Variants in FAM170B observed in about 807,000 individuals in gnomAD.
FAM170B encodes family with sequence similarity 170 member B, also known as protein FAM170B.
A neutral mutation model predicts 3.9 loss-of-function variants in FAM170B; 4 were observed. The ratio of observed to expected loss-of-function variants is 1.01; its 90% CI spans 0.50 to 2.32. FAM170B has a LOEUF of 2.32. FAM170B is among the 30% of genes most tolerant of loss of function. The pLI, the probability that FAM170B is intolerant of heterozygous loss-of-function variation, is 0.02. For synonymous variants in FAM170B, 163 were observed against 149.8 expected (o/e 1.09, Z -0.64); for missense variants, 417 against 368.6 (o/e 1.13, Z -1.07).
chr10:49,131,801 G>C lies in FAM170B; in HGVS notation c.664C>G (p.His222Asp). Residue 222 changes from histidine (H) to aspartate (D), a missense_variant, in exon 2 of 2, where the codon CAC (histidine) becomes GAC (aspartate). Physicochemically the swap from His to Asp is moderately conservative, Grantham distance 81. Transcript: ENST00000311787. Reference sequence around the variant, plus strand: ...CCCTCCCGGATGCCATGCTGGGCGTGCTCCAGCAGAGCGTCCAGGGAGGGC... The same window carrying C: ...CCCTCCCGGATGCCATGCTGGGCGTCCTCCAGCAGAGCGTCCAGGGAGGGC... ...VLPSLDALLE[H>D]AQHGIREGFS... The C allele has an allele frequency of 6.5e-7, 1 of 1,549,728 alleles. No individual in the cohort carries two copies.
Position 49,133,826 on chromosome 10 carries a change from A to C in FAM170B, c.93T>G (p.Ser31Arg). 1 of 1,550,356 alleles carries C rather than the reference A, an allele frequency of 6.5e-7. No homozygotes were observed. The highest frequency in any genetic ancestry group is 8.7e-7 in the Non-Finnish European group (1 of 1,146,666). Residue 31 changes from serine to arginine, a missense_variant, in exon 1 of 2, where the codon AGT becomes AGG. By Grantham distance (110) the Ser-to-Arg change is moderately radical. Transcript: ENST00000311787. ...SLTSPESTEE[S>R]VEVFWPGTIQ... Reference sequence around the variant, plus strand: ...ACCTACCTGGCCAGAACACTTCCACACTCTCCTCAGTGGACTCAGGGCTGG... The same window carrying C: ...ACCTACCTGGCCAGAACACTTCCACCCTCTCCTCAGTGGACTCAGGGCTGG...
At position 49,132,121 on chromosome 10, in the gene FAM170B, G is replaced by C; in HGVS notation, c.344C>G (p.Thr115Ser). Residue 115 changes from threonine (T) to serine (S), a missense_variant, in exon 2 of 2, where the codon ACT (threonine) becomes AGT (serine). Physicochemically the swap from Thr to Ser is moderately conservative, Grantham distance 58. Coordinates refer to ENST00000311787, the MANE Select transcript of FAM170B (RefSeq NM_001164484.2). ...CCAGGCCACAGCCACACCCCGCACA[G>C]TCTGCACGTGCGTGTAGAAGGCACA... ...SVCAFYTHVQ[T>S]VRGVAVAWET... 6.4e-7 allele frequency: 1 copy of C among 1,551,774 alleles called. No individual in the cohort carries two copies. The highest frequency in any genetic ancestry group is 8.7e-7 in the Non-Finnish European group (1 of 1,147,004).
chr10:49,131,448 G>T lies in FAM170B; in HGVS notation c.*165C>A. 3.1e-6 allele frequency: 3 copies of T among 967,566 alleles called. No homozygotes were observed. Among genetic ancestry groups the T allele is most frequent in the Non-Finnish European group, 4.4e-6 (3 of 685,376 alleles). The allele number at this position is 967,566 out of a possible 1,614,324, so 59.9% of individuals were successfully genotyped here. A position where few individuals can be genotyped will look rare whatever the true frequency, so the allele number is the denominator to read the frequency against. On this transcript the variant is annotated 3_prime_UTR_variant, in exon 2 of 2. Coordinates refer to ENST00000311787, the MANE Select transcript of FAM170B (RefSeq NM_001164484.2). ...GATGCTGTGCCTAGGGCAGGAAGGG[G>T]GTTCCTTCCAGTCTCCTGGCCCTCC...
rs1212234055 is a variant in FAM170B, at chr10:49,133,945, G to A, written c.-27C>T. 16 of 1,530,986 alleles carry A rather than the reference G, an allele frequency of 1.0e-5. No individual in the cohort carries two copies. Among genetic ancestry groups the A allele is most frequent in the African/African-American group, 4.1e-5 (3 of 72,668 alleles). 94.8% of individuals were successfully genotyped at this position (1,530,986 alleles called of 1,614,324 possible). The stretch of plus-strand genomic sequence containing the variant: ...ATTTGAAATGAGTGCCCAGGGTGTC[G>A]GTGCTCCAGCTGTTCAGTGAGAGTT... On this transcript the variant is annotated 5_prime_UTR_variant, in exon 1 of 2. Transcript: ENST00000311787.
Position 49,132,201 on chromosome 10 carries a change from G to T in FAM170B, c.264C>A (p.Tyr88Ter). 6.4e-7 allele frequency: 1 copy of T among 1,551,760 alleles called. No individual in the cohort carries two copies. The highest frequency in any genetic ancestry group is 8.7e-7 in the Non-Finnish European group (1 of 1,147,024). ...CGCACATGCAGGAGCAGCACGACTG[G>T]TACTGGGAGTAGGACTGGTACTCGG... ...ESSEYQSYSQ[Y>*]QSCCSCMCDE... The change falls in exon 2 of 2, where the codon TAC becomes TAA. Residue 88 changes from tyrosine (Y) to a stop codon, truncating the protein, a stop_gained. Coordinates refer to ENST00000311787, the MANE Select transcript of FAM170B (RefSeq NM_001164484.2). LOFTEE classifies it low-confidence loss of function (END_TRUNC).
chr10:49,131,786 T>A lies in FAM170B; in HGVS notation c.679A>T (p.Ile227Phe), dbSNP rs979561254. Reference protein sequence around the residue: ...DALLEHAQHGIREGFSCQIFF... With the variant: ...DALLEHAQHGFREGFSCQIFF... ...ATCTGACAGCTGAAGCCCTCCCGGA[T>A]GCCATGCTGGGCGTGCTCCAGCAGA... The change falls in exon 2 of 2, where the codon ATC (isoleucine) becomes TTC (phenylalanine). Residue 227 changes from isoleucine (I) to phenylalanine (F), a missense_variant. By Grantham distance (21) the Ile-to-Phe change is conservative (BLOSUM62 0). Coordinates refer to ENST00000311787, the MANE Select transcript of FAM170B (RefSeq NM_001164484.2). 6.4e-6 allele frequency: 10 copies of A among 1,550,646 alleles called. No homozygotes were observed. The highest frequency in any genetic ancestry group is 2.0e-5 in the Admixed American group (1 of 50,990).
At position 49,131,413 on chromosome 10, in the gene FAM170B, C is replaced by T; in HGVS notation, c.*200G>A. The T allele has an allele frequency of 1.5e-6, 1 of 681,006 alleles. No individual in the cohort carries two copies. The highest frequency in any genetic ancestry group is 2.3e-6 in the Non-Finnish European group (1 of 439,664). 42.2% of individuals were successfully genotyped at this position (681,006 alleles called of 1,614,324 possible). A position where few individuals can be genotyped will look rare whatever the true frequency, so the allele number is the denominator to read the frequency against. On this transcript the variant is annotated 3_prime_UTR_variant, in exon 2 of 2. Coordinates refer to ENST00000311787, the MANE Select transcript of FAM170B (RefSeq NM_001164484.2). ...CCTCTCGTTTGGGTTTTGAAATGGA[C>T]TCTGGTGGAGATGCTGTGCCTAGGG...
Position 49,131,284 on chromosome 10 carries a change from T to C in FAM170B, c.*329A>G, listed in dbSNP as rs995279229. 14 of 296,462 alleles carry C rather than the reference T, an allele frequency of 4.7e-5. No homozygotes were observed. Among genetic ancestry groups the C allele is most frequent in the Middle Eastern group, 2.0e-3 (2 of 1,020 alleles). 18.4% of individuals were successfully genotyped at this position (296,462 alleles called of 1,614,324 possible). On this transcript the variant is annotated 3_prime_UTR_variant, in exon 2 of 2. Transcript: ENST00000311787. Reference sequence around the variant, plus strand: ...GGCTGTCCTGTGACCCACATATACTTAGCAAGTGTGGACCTGCCTGATCCA... The same window carrying C: ...GGCTGTCCTGTGACCCACATATACTCAGCAAGTGTGGACCTGCCTGATCCA...
In FAM170B at chr10:49,131,657, GC is replaced by G; in HGVS notation, c.807del (p.Gln271ArgfsTer91). The G allele has an allele frequency of 1.3e-6, 2 of 1,551,734 alleles. No homozygotes were observed. Among genetic ancestry groups the G allele is most frequent in the Non-Finnish European group, 1.7e-6 (2 of 1,147,024 alleles). ...QSPSDNSECSRPQGEVLSAQQ... is the reference protein window; with the variant it reads ...QSPSDNSECSXPQGEVLSAQQ... ...TGTGCTGAGAGCACCTCACCCTGGG[GC>G]CGGGAACATTCGCTGTTGTCTGAAG... On this transcript the variant is annotated frameshift_variant, in exon 2 of 2. Coordinates refer to ENST00000311787, the MANE Select transcript of FAM170B (RefSeq NM_001164484.2). LOFTEE classifies it low-confidence loss of function (END_TRUNC).
At chr10:49,132,867 T>C (rs1845206202) in intron 1 of FAM170B, among the ~76,000 whole-genome samples, 2 of 149,670 alleles carry the variant, frequency 1.3e-5, no homozygotes, top group Admixed American at 6.6e-5. Context: ...AGAGTCCATG[T>C]CGTATATGAT....
rs1280173439 is a variant in FAM170B at position 49,131,996 on chromosome 10, C to T, written c.469G>A (p.Ala157Thr). 6.4e-7 allele frequency: 1 copy of T among 1,551,760 alleles called. No individual in the cohort carries two copies. Among genetic ancestry groups the T allele is most frequent in the Admixed American group, 2.0e-5 (1 of 51,010 alleles). ...QRWNGSSFEM[A>T]SNTDMRWDLE... The stretch of plus-strand genomic sequence containing the variant: ...TCCCAGCGCATATCGGTGTTGGAAG[C>T]CATTTCGAAGGAGGAGCCGTTCCAC... The change falls in exon 2 of 2, where the codon GCT becomes ACT. Residue 157 changes from alanine (A) to threonine (T), a missense_variant. Ala to Thr is a moderately conservative substitution (Grantham distance 58). Transcript: ENST00000311787.
Position 49,131,959 on chromosome 10 carries a change from C to CA in FAM170B, c.505dup (p.Cys169LeufsTer70). The CA allele has an allele frequency of 1.3e-6, 2 of 1,551,398 alleles. No individual in the cohort carries two copies. The highest frequency in any genetic ancestry group is 1.7e-6 in the Non-Finnish European group (2 of 1,147,004). ...GGGCTCGGGGCTGCAGTTGCTCTTG[C>CA]AGGCTTCCAGGTCCCAGCGCATATC... On this transcript the variant is annotated frameshift_variant, in exon 2 of 2. Coordinates refer to ENST00000311787, the MANE Select transcript of FAM170B (RefSeq NM_001164484.2). LOFTEE classifies it low-confidence loss of function (END_TRUNC).
Position 49,131,825 on chromosome 10 carries a change from G to T in FAM170B, c.640C>A (p.Pro214Thr). Residue 214 changes from proline to threonine, a missense_variant, in exon 2 of 2, where the codon CCC becomes ACC. Coordinates refer to ENST00000311787, the MANE Select transcript of FAM170B (RefSeq NM_001164484.2). ...TGCTCCAGCAGAGCGTCCAGGGAGG[G>T]CAAGACCCTGCAGCAGGCCACGCAG... ...VRCVACCRVL[P>T]SLDALLEHAQ... The T allele has an allele frequency of 6.5e-7, 1 of 1,547,814 alleles. No individual in the cohort carries two copies. The highest frequency in any genetic ancestry group is 1.4e-5 in the African/African-American group (1 of 73,198).
rs1196497736 is a variant in FAM170B, at chr10:49,131,809, A to G, written c.656T>C (p.Leu219Pro). Residue 219 changes from leucine to proline, a missense_variant, in exon 2 of 2, where the codon CTG becomes CCG. Leu to Pro is a moderately conservative substitution (Grantham distance 98, BLOSUM62 -3). Transcript: ENST00000311787. ...CCRVLPSLDALLEHAQHGIRE... is the reference protein window; with the variant it reads ...CCRVLPSLDAPLEHAQHGIRE... ...GATGCCATGCTGGGCGTGCTCCAGC[A>G]GAGCGTCCAGGGAGGGCAAGACCCT... 6.5e-7 allele frequency: 1 copy of G among 1,549,194 alleles called. No individual in the cohort carries two copies. The highest frequency in any genetic ancestry group is 2.0e-5 in the Admixed American group (1 of 51,016).
intron 1 of FAM170B, among the ~76,000 whole-genome samples, chr10:49,133,317 T>C (rs1187745953): frequency 1.3e-5 from 2 of 152,138 alleles, no homozygotes; most frequent in African/African-American, 4.8e-5. Flanking sequence ...TAAGAAATTA[T>C]ATTGTTAGGA....
chr10:49,131,810 G>A lies in FAM170B; in HGVS notation c.655C>T (p.Leu219=). 6.5e-7 allele frequency: 1 copy of A among 1,549,070 alleles called. No homozygotes were observed. Among genetic ancestry groups the A allele is most frequent in the African/African-American group, 1.4e-5 (1 of 73,192 alleles). ...CCRVLPSLDA[L]LEHAQHGIRE... ...ATGCCATGCTGGGCGTGCTCCAGCA[G>A]AGCGTCCAGGGAGGGCAAGACCCTG... is the stretch of plus-strand genomic sequence containing the variant. The change falls in exon 2 of 2, where the codon CTG becomes TTG. Residue 219 remains leucine (L), a synonymous_variant. Transcript: ENST00000311787.
Position 49,131,477 on chromosome 10 carries a change from C to G in FAM170B, c.*136G>C. On this transcript the variant is annotated 3_prime_UTR_variant, in exon 2 of 2. Transcript: ENST00000311787. ...CCTTCCAGTCTCCTGGCCCTCCTTG[C>G]TCTACACTCCATGCCTTTCCTTCCC... 7.7e-7 allele frequency: 1 copy of G among 1,296,746 alleles called. No individual in the cohort carries two copies. The allele number at this position is 1,296,746 out of a possible 1,614,324, so 80.3% of individuals were successfully genotyped here.
rs1318030125 is a variant in FAM170B, at chr10:49,132,184, C to G, written c.281G>C (p.Cys94Ser). ...SYSQYQSCCS[C>S]MCDEDNAAPQ... is the part of the protein sequence containing the mutation. ...AGCAGCATTGTCCTCATCGCACATG[C>G]AGGAGCAGCACGACTGGTACTGGGA... Residue 94 changes from cysteine to serine, a missense_variant, in exon 2 of 2, where the codon TGC becomes TCC. Cys to Ser is a moderately radical substitution (Grantham distance 112). Transcript: ENST00000311787. The G allele has an allele frequency of 6.4e-7, 1 of 1,551,758 alleles. No homozygotes were observed. Among genetic ancestry groups the G allele is most frequent in the Admixed American group, 2.0e-5 (1 of 51,012 alleles).
At position 49,131,161 on chromosome 10, in the gene FAM170B, T is replaced by C. The variant is rs1284739446; in HGVS notation, c.*452A>G. ...GTTAGTCACTGCATTCAATTTTGTG[T>C]TATTCAAGTTTAATCCCAATAACAT... is the stretch of plus-strand genomic sequence containing the variant. On this transcript the variant is annotated 3_prime_UTR_variant, in exon 2 of 2. Coordinates refer to ENST00000311787, the MANE Select transcript of FAM170B (RefSeq NM_001164484.2). 6.4e-6 allele frequency: 1 copy of C among 157,088 alleles called. No homozygotes were observed. Among genetic ancestry groups the C allele is most frequent in the Non-Finnish European group, 1.4e-5 (1 of 71,306 alleles). The allele number at this position is 157,088 out of a possible 1,614,324, so 9.7% of individuals were successfully genotyped here.
Sources: allele counts gnomAD v4.1 joint callset (sites outside exome capture counted in the v4.1 genomes callset), GRCh38; gene constraint gnomAD v4.1.1; transcripts MANE v1.5; gene names NCBI Gene and HGNC (gene_info 2026-07-23, HGNC 2026-07-21).